Variants in AKAP13 observed in about 807,000 individuals in gnomAD.
AKAP13 encodes the protein A-kinase anchor protein 13.
Under a neutral mutation model 264.5 loss-of-function variants are expected in AKAP13, and 80 were observed. The observed-to-expected ratio is 0.30, with a 90% CI of 0.25 to 0.36. The LOEUF (loss-of-function observed/expected upper bound fraction) is 0.36, where lower values mean the gene tolerates loss of function less well. Ranked by LOEUF, AKAP13 falls within the 10% of genes least tolerant of loss-of-function variation. The pLI is 1.00. For synonymous variants in AKAP13, 1,380 were observed against 1,250.2 expected, an observed-to-expected ratio of 1.10 and a Z score of -2.19; for missense variants, 3,712 against 3,435.2, an observed-to-expected ratio of 1.08 and a Z score of -2.01.
At chr15:85,520,824 CA>C (rs1425890786) in intron 2 of AKAP13, 1 of 455,496 alleles carries the variant, frequency 2.2e-6, no homozygotes, top group African/African-American at 2.0e-5. Context: ...GTTTGTTGTG[CA>C]AACATCATAG....
chr15:85,591,713 A>G (rs889847405), intron 8 of AKAP13, among the ~76,000 whole-genome samples: 9 of 152,102 alleles, frequency 5.9e-5, no homozygotes, highest in Admixed American at 2.0e-4. Context: ...CCAATATCGT[A>G]TGTTGTAGGG....
intron 10 of AKAP13, among the ~76,000 whole-genome samples, chr15:85,650,775 A>AC (rs2082781833): frequency 2.1e-5 from 3 of 143,414 alleles, no homozygotes; most frequent in South Asian, 2.2e-4. Flanking sequence ...AAAAAAAAAA[A>AC]AAAAAAAAAA....
chr15:85,699,461 C>A (rs1163053086), intron 17 of AKAP13, among the ~76,000 whole-genome samples: 3 of 151,354 alleles, frequency 2.0e-5, no homozygotes, highest in East Asian at 1.9e-4. Flanking sequence ...AAAAAAAATT[C>A]TTTTTACAAA....
chr15:85,641,135 A>G (rs1254002003), intron 9 of AKAP13, among the ~76,000 whole-genome samples: 1 of 152,120 alleles, frequency 6.6e-6, no homozygotes, highest in Admixed American at 6.5e-5. Context: ...AGAGAGCAAT[A>G]GCATTAGACC....
In AKAP13 at chr15:85,426,343, G is replaced by A. The variant is rs554059489; in HGVS notation, c.-12+45545G>A. ...AGAACTCAGTCATCTCCCATTGTGC[G>A]AGTGAGCCTTTACTGTTTAGTGGGC... is the stretch of plus-strand genomic sequence containing the variant. On this transcript the variant is annotated intron_variant, in intron 1 of 36. Transcript: ENST00000394518. Among the ~76,000 whole-genome samples the A allele has an allele frequency of 3.3e-5, 5 of 152,306 alleles. No homozygotes were observed. The East Asian group carries it at 7.7e-4, about 23-fold the overall frequency.
At chr15:85,415,208 C>T in intron 1 of AKAP13, 1 of 1,504,344 alleles carries the variant, frequency 6.6e-7, no homozygotes, top group South Asian at 1.2e-5. Flanking sequence ...CTCTGCACGC[C>T]AGCTCGCCCG....
At chr15:85,683,730 A>G (rs1180766941) in intron 15 of AKAP13, 1 of 152,312 alleles carries the variant, frequency 6.6e-6, no homozygotes, top group African/African-American at 2.4e-5. Context: ...CGGCCTCCCA[A>G]AGTGCTGGGA....
At chr15:85,726,620 C>T in intron 27 of AKAP13, 134 bp downstream of exon 27, 3 of 703,232 alleles carry the variant, frequency 4.3e-6, no homozygotes, top group Non-Finnish European at 6.9e-6. Flanking sequence ...GAGTAATTTC[C>T]CACATGCCCT....
At chr15:85,666,705 T>G (rs1239613206) in intron 13 of AKAP13, among the ~76,000 whole-genome samples, 1 of 152,196 alleles carries the variant, frequency 6.6e-6, no homozygotes, top group Non-Finnish European at 1.5e-5. Flanking sequence ...TGAGCCACTG[T>G]GCCTGGCCTT....
intron 8 of AKAP13, among the ~76,000 whole-genome samples, chr15:85,629,181 G>C (rs571719788): frequency 2.0e-5 from 3 of 152,142 alleles, no homozygotes; most frequent in Admixed American, 6.6e-5. Flanking sequence ...TGGGGTGACA[G>C]CTTCTTCTTC....
chr15:85,582,672 GT>G (rs981856837), intron 7 of AKAP13, among the ~76,000 whole-genome samples: 3 of 150,784 alleles, frequency 2.0e-5, no homozygotes, highest in African/African-American at 4.9e-5. Context: ...GTTTGTTTTT[GT>G]TTTTTTTGGG....
At chr15:85,592,405 A>C (rs1454644967) in intron 8 of AKAP13, among the ~76,000 whole-genome samples, 1 of 152,200 alleles carries the variant, frequency 6.6e-6, no homozygotes, top group Non-Finnish European at 1.5e-5. Flanking sequence ...CCAACAACTT[A>C]TAATGCTGAT....
At chr15:85,387,484 C>T (rs766913998) in intron 1 of AKAP13, among the ~76,000 whole-genome samples, 4 of 152,084 alleles carry the variant, frequency 2.6e-5, no homozygotes, top group African/African-American at 4.8e-5. Context: ...TCATGCACTA[C>T]CTGGCTAATT....
chr15:85,598,473 A>G (rs2079916655), intron 8 of AKAP13, among the ~76,000 whole-genome samples: 1 of 152,236 alleles, frequency 6.6e-6, no homozygotes, highest in Admixed American at 6.5e-5. Context: ...TCCATGCACG[A>G]ATCCCTTACT....
chr15:85,434,310 G>A (rs1322563855), intron 1 of AKAP13, among the ~76,000 whole-genome samples: 3 of 152,288 alleles, frequency 2.0e-5, no homozygotes, highest in South Asian at 2.1e-4. Context: ...CACCTGGCTC[G>A]GAGGGTCCTA....
At chr15:85,498,212 A>ATATATATATATATATATATATATATAT (rs1217645309) in intron 2 of AKAP13, among the ~76,000 whole-genome samples, 12 of 141,236 alleles carry the variant, frequency 8.5e-5, no homozygotes, top group Admixed American at 2.1e-4. Flanking sequence ...ATATATATAT[A>ATATATATATATATATATATATATATAT]TATATATATA....
At chr15:85,596,298 A>G (rs1258593641) in intron 8 of AKAP13, among the ~76,000 whole-genome samples, 1 of 152,148 alleles carries the variant, frequency 6.6e-6, no homozygotes, top group East Asian at 1.9e-4. Context: ...ATTCATATAT[A>G]TATTTAAGAG....
intron 2 of AKAP13, among the ~76,000 whole-genome samples, chr15:85,494,078 GA>G (rs1302669742): frequency 6.6e-6 from 1 of 152,132 alleles, no homozygotes; most frequent in Non-Finnish European, 1.5e-5. Flanking sequence ...AACAACTTTA[GA>G]GGGGGAAAGT....
At chr15:85,719,614 CAT>C (rs1263925310) in intron 23 of AKAP13, among the ~76,000 whole-genome samples, 1 of 152,076 alleles carries the variant, frequency 6.6e-6, no homozygotes. Flanking sequence ...GAGTCTGTGC[CAT>C]CATCAGAAAC....
Sources: allele counts gnomAD v4.1 joint callset (sites outside exome capture counted in the v4.1 genomes callset), GRCh38; gene constraint gnomAD v4.1.1; transcripts MANE v1.5; gene names NCBI Gene and HGNC (gene_info 2026-07-23, HGNC 2026-07-21).